The following SGCZ variants were observed in gnomAD, a reference collection of about 807,000 sequenced individuals.
SGCZ encodes the protein sarcoglycan zeta.
Under a neutral mutation model 41.3 loss-of-function variants are expected in SGCZ, and 40 were observed. The observed-to-expected ratio is 0.97, with a 90% confidence interval of 0.75 to 1.26. SGCZ has a LOEUF of 1.26. SGCZ is among the 50% of genes most tolerant of loss of function. The pLI is 0.00. For synonymous variants in SGCZ, 206 were observed against 137.5 expected, an observed-to-expected ratio of 1.50 and a Z score of -3.49; for missense variants, 552 against 369.8, an observed-to-expected ratio of 1.49 and a Z score of -4.04.
chr8:14,222,628 C>A (rs932535262), intron 4 of SGCZ, among the ~76,000 whole-genome samples: 1 of 151,824 alleles, frequency 6.6e-6, no homozygotes, highest in Non-Finnish European at 1.5e-5. Flanking sequence ...TTTTTTTTCC[C>A]ATTATTTATT....
chr8:14,587,192 T>G (rs7013654), intron 1 of SGCZ, among the ~76,000 whole-genome samples: 139,843 of 151,858 alleles, frequency 0.92, 64,550 homozygotes, highest in Non-Finnish European at 0.95. Context: ...AATGAGAGGG[T>G]TTTACACAAT....
chr8:14,470,868 A>T (rs1344825820), intron 2 of SGCZ, among the ~76,000 whole-genome samples: 1 of 152,154 alleles, frequency 6.6e-6, no homozygotes, highest in Admixed American at 6.6e-5. Context: ...TTGTGTATTT[A>T]GACACTGGCA....
chr8:14,325,873 A>T (rs569121282), intron 2 of SGCZ, among the ~76,000 whole-genome samples: 1 of 147,076 alleles, frequency 6.8e-6, no homozygotes, highest in African/African-American at 2.5e-5. Flanking sequence ...AGTACTTCGG[A>T]ACGTAGAGGC....
intron 1 of SGCZ, among the ~76,000 whole-genome samples, chr8:15,169,153 C>G (rs932925628): frequency 6.6e-6 from 1 of 152,206 alleles, no homozygotes; most frequent in Non-Finnish European, 1.5e-5. Flanking sequence ...GAAGCTCTGA[C>G]TGCCGCTTCC....
At chr8:15,025,397 C>T (rs1376520223) in intron 1 of SGCZ, among the ~76,000 whole-genome samples, 1 of 152,100 alleles carries the variant, frequency 6.6e-6, no homozygotes, top group Non-Finnish European at 1.5e-5. Context: ...TAAATTTCTG[C>T]TACAGTTTTA....
intron 1 of SGCZ, among the ~76,000 whole-genome samples, chr8:14,964,483 A>C (rs1195815544): frequency 6.6e-6 from 1 of 152,152 alleles, no homozygotes; most frequent in African/African-American, 2.4e-5. Flanking sequence ...CTCTAAAACA[A>C]AAAGATTGTG....
chr8:14,486,936 T>C (rs1801692027), intron 2 of SGCZ, among the ~76,000 whole-genome samples: 1 of 152,170 alleles, frequency 6.6e-6, no homozygotes, highest in Non-Finnish European at 1.5e-5. Context: ...AACAGAGTAA[T>C]AATTAGTAGA....
chr8:14,601,295 T>A (rs1300119768), intron 1 of SGCZ, among the ~76,000 whole-genome samples: 1 of 152,084 alleles, frequency 6.6e-6, no homozygotes, highest in Non-Finnish European at 1.5e-5. Context: ...TAAAAAGTGA[T>A]TGATTAGACA....
intron 4 of SGCZ, among the ~76,000 whole-genome samples, chr8:14,187,457 T>G (rs1804942828): frequency 6.6e-6 from 1 of 152,180 alleles, no homozygotes; most frequent in Admixed American, 6.5e-5. Flanking sequence ...AGACAACTAT[T>G]TTGAAGAATT....
intron 2 of SGCZ, among the ~76,000 whole-genome samples, chr8:14,526,119 T>A (rs570483486): frequency 1.3e-5 from 2 of 152,254 alleles, no homozygotes; most frequent in Admixed American, 1.3e-4. Flanking sequence ...GTTCTTCTTA[T>A]AAAAACAAAT....
intron 1 of SGCZ, among the ~76,000 whole-genome samples, chr8:14,922,540 T>G (rs1799620704): frequency 6.6e-6 from 1 of 152,056 alleles, no homozygotes; most frequent in Non-Finnish European, 1.5e-5. Flanking sequence ...CCACAACCTC[T>G]GCCTCCCGGG....
chr8:15,075,972 T>G (rs143509787), intron 1 of SGCZ, among the ~76,000 whole-genome samples: 1 of 152,080 alleles, frequency 6.6e-6, no homozygotes, highest in Non-Finnish European at 1.5e-5. Context: ...AAGTATTGAC[T>G]TTTTCATGGA....
At chr8:14,854,718 A>G (rs1803479885) in intron 1 of SGCZ, among the ~76,000 whole-genome samples, 1 of 152,110 alleles carries the variant, frequency 6.6e-6, no homozygotes, top group Non-Finnish European at 1.5e-5. Context: ...TTGTTGGATT[A>G]TTTCAGGAAT....
chr8:14,789,817 C>CTTA (rs1283051022), intron 1 of SGCZ, among the ~76,000 whole-genome samples: 1 of 152,082 alleles, frequency 6.6e-6, no homozygotes, highest in African/African-American at 2.4e-5. Flanking sequence ...GTGGTATAAA[C>CTTA]TTATACCACT....
intron 1 of SGCZ, among the ~76,000 whole-genome samples, chr8:15,025,783 T>C (rs982948580): frequency 1.3e-5 from 2 of 152,188 alleles, no homozygotes; most frequent in Non-Finnish European, 2.9e-5. Flanking sequence ...AGATTATACA[T>C]AGATATTTAT....
chr8:14,387,618 T>A (rs1299063071), intron 2 of SGCZ, among the ~76,000 whole-genome samples: 1 of 152,172 alleles, frequency 6.6e-6, no homozygotes, highest in Admixed American at 6.5e-5. Context: ...TTATTTTAAA[T>A]GAATATTTGC....
At chr8:14,954,202 T>C (rs552827561) in intron 1 of SGCZ, among the ~76,000 whole-genome samples, 2 of 152,328 alleles carry the variant, frequency 1.3e-5, no homozygotes, top group South Asian at 2.1e-4. Context: ...TTAATTTATT[T>C]ATATACGCTT....
intron 1 of SGCZ, among the ~76,000 whole-genome samples, chr8:14,800,948 T>C (rs187153668): frequency 6.6e-6 from 1 of 152,152 alleles, no homozygotes; most frequent in African/African-American, 2.4e-5. Context: ...CTTCTGCACA[T>C]GTTAGTATTT....
chr8:14,796,993 C>T (rs1801155954), intron 1 of SGCZ, among the ~76,000 whole-genome samples: 1 of 152,194 alleles, frequency 6.6e-6, no homozygotes, highest in African/African-American at 2.4e-5. Context: ...TGCTGAACCA[C>T]AAGTCAATTA....
Sources: allele counts gnomAD v4.1 joint callset (sites outside exome capture counted in the v4.1 genomes callset), GRCh38; gene constraint gnomAD v4.1.1; transcripts MANE v1.5; gene names NCBI Gene and HGNC (gene_info 2026-07-23, HGNC 2026-07-21).